SH3GL2: variants seen among roughly 807,000 people sequenced by gnomAD.
The protein encoded by SH3GL2 is SH3 domain containing GRB2 like 2, endophilin A1.
Under a neutral mutation model 46.0 loss-of-function variants are expected in SH3GL2, and 24 were observed. The observed-to-expected ratio is 0.52, with a 90% CI of 0.38 to 0.73. SH3GL2 has a LOEUF of 0.73. Among genes scored for constraint, SH3GL2 ranks in the 30% least tolerant of loss-of-function variants. The probability of loss-of-function intolerance (pLI) is 0.00; values close to 1 mark genes in which losing one functional copy is unlikely to be tolerated. For missense variants in SH3GL2, 413 were observed against 424.2 expected (o/e 0.97, Z 0.23); for synonymous variants, 196 against 147.1 (o/e 1.33, Z -2.40).
chr9:17,631,720 A>G lies in SH3GL2; in HGVS notation c.45+52433A>G, dbSNP rs1819430896. On this transcript the variant is annotated intron_variant, in intron 1 of 8. Coordinates refer to ENST00000380607, the MANE Select transcript of SH3GL2 (RefSeq NM_003026.5). ...ACATCCTTTATTCTCCCCACATCCC[A>G]TCATCTTCTGCAAACTTAACAATTT... is the stretch of plus-strand genomic sequence containing the variant. 3.3e-5 allele frequency among the ~76,000 whole-genome samples: 5 copies of G among 152,290 alleles called. No homozygotes were observed. In the South Asian group the frequency reaches 1.0e-3, roughly 32 times the overall value.
intron 1 of SH3GL2, among the ~76,000 whole-genome samples, chr9:17,645,373 T>G (rs921315824): frequency 3.3e-5 from 5 of 152,144 alleles, no homozygotes; most frequent in African/African-American, 9.7e-5. Context: ...CCATTTACAT[T>G]TAAGGTTAAT....
chr9:17,597,100 G>T (rs937588212), intron 1 of SH3GL2, among the ~76,000 whole-genome samples: 1 of 152,260 alleles, frequency 6.6e-6, no homozygotes, highest in African/African-American at 2.4e-5. Flanking sequence ...CTGAGAAACA[G>T]TTGAGACTGC....
At chr9:17,656,521 C>T (rs191091740) in intron 1 of SH3GL2, among the ~76,000 whole-genome samples, 45 of 151,990 alleles carry the variant, frequency 3.0e-4, no homozygotes, top group African/African-American at 1.0e-3. Flanking sequence ...GTTGCATTTA[C>T]AATATCACAA....
At chr9:17,742,883 T>G (rs143956353) in intron 1 of SH3GL2, among the ~76,000 whole-genome samples, 144 of 152,344 alleles carry the variant, frequency 9.5e-4, no homozygotes, top group African/African-American at 3.2e-3. Flanking sequence ...GGGGACATAT[T>G]GGTTCACTTG....
intron 1 of SH3GL2, among the ~76,000 whole-genome samples, chr9:17,630,883 T>G (rs537990658): frequency 6.6e-6 from 1 of 152,266 alleles, no homozygotes; most frequent in East Asian, 1.9e-4. Context: ...CCTATAAAAA[T>G]TCCTTCACCC....
At chr9:17,756,067 C>G (rs1369367733) in intron 2 of SH3GL2, among the ~76,000 whole-genome samples, 2 of 152,060 alleles carry the variant, frequency 1.3e-5, no homozygotes, top group East Asian at 3.9e-4. Context: ...CTTACAACTC[C>G]TTGCCAATGC....
At chr9:17,741,880 C>T (rs1043173937) in intron 1 of SH3GL2, among the ~76,000 whole-genome samples, 1 of 151,742 alleles carries the variant, frequency 6.6e-6, no homozygotes, top group Admixed American at 6.6e-5. Context: ...TGATAACTTC[C>T]AGCTCAGATG....
intron 1 of SH3GL2, among the ~76,000 whole-genome samples, chr9:17,652,646 G>C (rs974751629): frequency 6.6e-5 from 10 of 152,084 alleles, no homozygotes; most frequent in Non-Finnish European, 1.5e-4. Flanking sequence ...GTAAAATCCA[G>C]AATGCTCTGA....
chr9:17,580,897 C>T (rs140898095), intron 1 of SH3GL2, among the ~76,000 whole-genome samples: 1 of 152,192 alleles, frequency 6.6e-6, no homozygotes, highest in African/African-American at 2.4e-5. Flanking sequence ...GCTTAGTGCC[C>T]TCAAAGGCAA....
At chr9:17,674,525 C>G (rs1820558685) in intron 1 of SH3GL2, among the ~76,000 whole-genome samples, 1 of 152,130 alleles carries the variant, frequency 6.6e-6, no homozygotes, top group African/African-American at 2.4e-5. Context: ...CTTGGCCTCC[C>G]AAAGTGCTGG....
At chr9:17,624,289 T>G (rs774938178) in intron 1 of SH3GL2, among the ~76,000 whole-genome samples, 6 of 152,186 alleles carry the variant, frequency 3.9e-5, no homozygotes, top group Non-Finnish European at 8.8e-5. Flanking sequence ...ATTATATAAT[T>G]ATTGTTTTCT....
chr9:17,644,600 C>T (rs1001800526), intron 1 of SH3GL2, among the ~76,000 whole-genome samples: 4 of 152,144 alleles, frequency 2.6e-5, no homozygotes, highest in Admixed American at 6.5e-5. Context: ...CATTCAGGAG[C>T]AGGTTGTTCA....
At chr9:17,762,399 C>CAAA (rs373498696) in intron 3 of SH3GL2, among the ~76,000 whole-genome samples, 4 of 44,744 alleles carry the variant, frequency 8.9e-5, no homozygotes, top group African/African-American at 2.0e-4. Flanking sequence ...GACAAGTGAT[C>CAAA]AAAAAAAAAA....
chr9:17,684,464 A>G (rs1490089619), intron 1 of SH3GL2, among the ~76,000 whole-genome samples: 2 of 152,092 alleles, frequency 1.3e-5, no homozygotes, highest in African/African-American at 2.4e-5. Flanking sequence ...CTTTAGTACA[A>G]TATCAAAAGT....
At chr9:17,703,613 G>C (rs890445768) in intron 1 of SH3GL2, among the ~76,000 whole-genome samples, 2 of 152,070 alleles carry the variant, frequency 1.3e-5, no homozygotes, top group African/African-American at 4.8e-5. Context: ...CTATGATCAA[G>C]TAGTCGTTAT....
intron 1 of SH3GL2, among the ~76,000 whole-genome samples, chr9:17,585,055 TGG>T (rs1479144278): frequency 6.6e-6 from 1 of 152,118 alleles, no homozygotes; most frequent in Non-Finnish European, 1.5e-5. Flanking sequence ...GATGTCATTG[TGG>T]AAGGGAGAGG....
intron 1 of SH3GL2, chr9:17,653,937 A>T: frequency 1.4e-6 from 1 of 702,924 alleles, no homozygotes; most frequent in Non-Finnish European, 1.7e-6. Flanking sequence ...TAACAAAAGA[A>T]ATGACTAGGC....
chr9:17,637,217 AC>A (rs1819561827), intron 1 of SH3GL2, among the ~76,000 whole-genome samples: 1 of 152,182 alleles, frequency 6.6e-6, no homozygotes, highest in African/African-American at 2.4e-5. Flanking sequence ...CAAAGTTAAG[AC>A]CAAAGCACAA....
At chr9:17,660,485 A>G (rs1820185610) in intron 1 of SH3GL2, among the ~76,000 whole-genome samples, 2 of 152,232 alleles carry the variant, frequency 1.3e-5, no homozygotes, top group East Asian at 1.9e-4. Flanking sequence ...GTTGAAAAGT[A>G]TGTTGCACTA....
Sources: allele counts gnomAD v4.1 joint callset (sites outside exome capture counted in the v4.1 genomes callset), GRCh38; gene constraint gnomAD v4.1.1; transcripts MANE v1.5; gene names NCBI Gene and HGNC (gene_info 2026-07-23, HGNC 2026-07-21).